ZBTB16: variants seen among roughly 807,000 people sequenced by gnomAD.
The protein encoded by ZBTB16 is zinc finger and BTB domain-containing protein 16.
Under a neutral mutation model 56.8 loss-of-function variants are expected in ZBTB16, and 8 were observed. The observed-to-expected ratio is 0.14, with a 90% CI of 0.08 to 0.25. The LOEUF is 0.25. ZBTB16 is among the 10% of genes least tolerant of loss of function. The pLI, the probability that ZBTB16 is intolerant of heterozygous loss-of-function variation, is 1.00. For synonymous variants in ZBTB16, 363 were observed against 368.5 expected, an observed-to-expected ratio of 0.98 and a Z score of 0.17; for missense variants, 625 against 903.0, an observed-to-expected ratio of 0.69 and a Z score of 3.95.
chr11:114,071,376 TTTCA>T (rs1939342738), intron 2 of ZBTB16, among the ~76,000 whole-genome samples: 1 of 152,202 alleles, frequency 6.6e-6, no homozygotes, highest in Non-Finnish European at 1.5e-5. Flanking sequence ...TTGCCCACTC[TTTCA>T]TCTCAGTGAG....
intron 2 of ZBTB16, among the ~76,000 whole-genome samples, chr11:114,073,119 C>G (rs968057068): frequency 1.1e-4 from 17 of 150,792 alleles, no homozygotes; most frequent in African/African-American, 3.9e-4. Flanking sequence ...GCTCCATGCT[C>G]TCTGCAGCTG....
At chr11:114,108,473 T>C (rs1309742144) in intron 2 of ZBTB16, among the ~76,000 whole-genome samples, 5 of 152,204 alleles carry the variant, frequency 3.3e-5, no homozygotes, top group Non-Finnish European at 7.3e-5. Flanking sequence ...TTCTTAGTAA[T>C]TGCTCTCTGT....
chr11:114,085,889 T>A (rs1219465713), intron 2 of ZBTB16, among the ~76,000 whole-genome samples: 1 of 152,172 alleles, frequency 6.6e-6, no homozygotes, highest in Non-Finnish European at 1.5e-5. Flanking sequence ...TAAGGCGCAC[T>A]TGATAGGGGT....
At chr11:114,242,104 T>C (rs1240078326) in intron 4 of ZBTB16, 63 bp from the exon 5 acceptor site, 1 of 1,603,838 alleles carries the variant, frequency 6.2e-7, no homozygotes, top group Non-Finnish European at 8.5e-7. Context: ...TCACTCCAGA[T>C]GGGTAAAGAA....
chr11:114,229,380 A>G (rs1944392706), intron 4 of ZBTB16, among the ~76,000 whole-genome samples: 1 of 152,230 alleles, frequency 6.6e-6, no homozygotes, highest in East Asian at 1.9e-4. Context: ...TTTTCTCTAT[A>G]GTAAACGAGA....
At chr11:114,086,527 G>C (rs976624654) in intron 2 of ZBTB16, among the ~76,000 whole-genome samples, 1 of 152,214 alleles carries the variant, frequency 6.6e-6, no homozygotes, top group Non-Finnish European at 1.5e-5. Flanking sequence ...CATGAGGATA[G>C]TGATTGTGGT....
intron 2 of ZBTB16, among the ~76,000 whole-genome samples, chr11:114,121,306 A>C (rs1941337173): frequency 6.6e-6 from 1 of 152,128 alleles, no homozygotes; most frequent in Non-Finnish European, 1.5e-5. Context: ...CAGTGGTGCA[A>C]GCCAGCTCCA....
chr11:114,083,579 C>G (rs1306176619), intron 2 of ZBTB16, among the ~76,000 whole-genome samples: 2 of 152,296 alleles, frequency 1.3e-5, no homozygotes, highest in East Asian at 1.9e-4. Context: ...GCCCTCTCCC[C>G]TCTGCCCTCT....
At chr11:114,164,024 G>A (rs371886809) in intron 3 of ZBTB16, among the ~76,000 whole-genome samples, 14 of 152,130 alleles carry the variant, frequency 9.2e-5, no homozygotes, top group Non-Finnish European at 1.8e-4. Flanking sequence ...TCTGTTCAGC[G>A]CTGTATCTTA....
At chr11:114,174,629 A>C (rs1943060109) in intron 3 of ZBTB16, among the ~76,000 whole-genome samples, 1 of 152,258 alleles carries the variant, frequency 6.6e-6, no homozygotes, top group Admixed American at 6.5e-5. Context: ...TTTCTAAGAT[A>C]AAACATCTCT....
chr11:114,098,128 G>T (rs548734009), intron 2 of ZBTB16, among the ~76,000 whole-genome samples: 11 of 152,078 alleles, frequency 7.2e-5, no homozygotes, highest in Admixed American at 5.2e-4. Flanking sequence ...TCTTTGTTTG[G>T]TTTTTATTCA....
intron 2 of ZBTB16, among the ~76,000 whole-genome samples, chr11:114,067,066 G>A (rs7103343): frequency 0.032 from 4,872 of 152,150 alleles, 232 homozygotes; most frequent in African/African-American, 0.11. Context: ...CACCCCGCCC[G>A]GCCTTCACTC....
intron 4 of ZBTB16, among the ~76,000 whole-genome samples, chr11:114,235,423 C>T (rs1325668747): frequency 6.6e-6 from 1 of 152,244 alleles, no homozygotes; most frequent in Non-Finnish European, 1.5e-5. Flanking sequence ...GTGTACCCCT[C>T]TGATCCTCTT....
At chr11:114,215,994 G>T (rs899072561) in intron 4 of ZBTB16, among the ~76,000 whole-genome samples, 5 of 152,194 alleles carry the variant, frequency 3.3e-5, no homozygotes, top group Non-Finnish European at 5.9e-5. Flanking sequence ...AGCAGACAGG[G>T]TAGGGGTGTG....
intron 2 of ZBTB16, among the ~76,000 whole-genome samples, chr11:114,135,168 C>T (rs1941766448): frequency 6.6e-6 from 1 of 152,232 alleles, no homozygotes. Context: ...TCCTGGCATA[C>T]TGTGCCTGGG....
intron 2 of ZBTB16, among the ~76,000 whole-genome samples, chr11:114,087,777 G>A (rs1177685788): frequency 2.6e-5 from 4 of 152,124 alleles, no homozygotes; most frequent in Admixed American, 1.3e-4. Context: ...AAAGCCATCC[G>A]GGATCCTAGA....
chr11:114,093,513 G>A (rs933773696), intron 2 of ZBTB16, among the ~76,000 whole-genome samples: 2 of 152,168 alleles, frequency 1.3e-5, no homozygotes, highest in Non-Finnish European at 2.9e-5. Flanking sequence ...AAACACCAAG[G>A]CAAGAAGAAG....
intron 2 of ZBTB16, among the ~76,000 whole-genome samples, chr11:114,132,625 G>A (rs10488696): frequency 0.084 from 12,733 of 152,232 alleles, 736 homozygotes; most frequent in East Asian, 0.15. Flanking sequence ...AAATTGCCAA[G>A]AGCTGAGTAA....
At chr11:114,246,221 C>A (rs1944812743) in intron 5 of ZBTB16, among the ~76,000 whole-genome samples, 1 of 152,178 alleles carries the variant, frequency 6.6e-6, no homozygotes, top group African/African-American at 2.4e-5. Context: ...TGCTTCTTAT[C>A]CTGGTGGTGC....
Sources: gnomAD v4.1 joint callset for allele counts (sites outside exome capture counted in the v4.1 genomes callset) on GRCh38, gnomAD v4.1.1 for gene constraint, MANE v1.5 for transcripts, NCBI Gene and HGNC (gene_info 2026-07-23, HGNC 2026-07-21) for gene names.